Variants in PCDHGB6 observed in about 807,000 individuals in gnomAD.
PCDHGB6 encodes the protein protocadherin gamma-B6.
Under a neutral mutation model 59.1 loss-of-function variants are expected in PCDHGB6, and 51 were observed. The ratio of observed to expected loss-of-function variants is 0.86; its 90% CI spans 0.69 to 1.09. The LOEUF is 1.09. Among genes scored for constraint, PCDHGB6 ranks in the 50% least tolerant of loss-of-function variants. The pLI is 0.00. For missense variants in PCDHGB6, 1,148 were observed against 1,205.1 expected (o/e 0.95, Z 0.70); for synonymous variants, 466 against 495.1 (o/e 0.94, Z 0.78).
intron 1 of PCDHGB6, chr5:141,421,126 T>G: frequency 1.2e-6 from 1 of 805,588 alleles, no homozygotes; most frequent in Non-Finnish European, 1.9e-6. Context: ...CTTCGCTTTC[T>G]GATATATTTT....
intron 1 of PCDHGB6, among the ~76,000 whole-genome samples, chr5:141,435,043 C>T (rs2097739230): frequency 1.3e-5 from 2 of 151,658 alleles, no homozygotes; most frequent in African/African-American, 2.4e-5. Flanking sequence ...ATTTTTTTCC[C>T]ATTGACCATG....
intron 1 of PCDHGB6, among the ~76,000 whole-genome samples, chr5:141,472,242 A>T (rs1342571385): frequency 6.6e-6 from 1 of 152,186 alleles, no homozygotes; most frequent in East Asian, 1.9e-4. Flanking sequence ...TTCACTTTCT[A>T]TTTTAAAGTT....
At chr5:141,421,464 T>C in intron 1 of PCDHGB6, 1 of 1,614,090 alleles carries the variant, frequency 6.2e-7, no homozygotes, top group Non-Finnish European at 8.5e-7. Flanking sequence ...TCGCTGTGAA[T>C]CCGCGAAGCG....
intron 1 of PCDHGB6, among the ~76,000 whole-genome samples, chr5:141,460,344 A>G (rs930557610): frequency 7.2e-5 from 11 of 152,060 alleles, no homozygotes; most frequent in African/African-American, 2.2e-4. Context: ...ATTTTCTCCT[A>G]TATTTTCTTT....
chr5:141,495,870 CCT>C (rs1183994771), intron 2 of PCDHGB6, among the ~76,000 whole-genome samples: 2 of 152,100 alleles, frequency 1.3e-5, no homozygotes. Flanking sequence ...TTTCTGCTTT[CCT>C]CTCTGTTCTT....
At chr5:141,483,955 G>A (rs1244162791) in intron 1 of PCDHGB6, among the ~76,000 whole-genome samples, 1 of 144,218 alleles carries the variant, frequency 6.9e-6, no homozygotes, top group African/African-American at 2.6e-5. Flanking sequence ...ATTGTGTTGT[G>A]TTTCTGTGCT....
intron 1 of PCDHGB6, chr5:141,428,279 C>A: frequency 2.7e-6 from 2 of 753,232 alleles, no homozygotes; most frequent in South Asian, 3.0e-5. Context: ...CCCTCTGATT[C>A]CCAAGCAAAG....
At chr5:141,413,500 A>C (rs1422297029) in intron 1 of PCDHGB6, 2 of 1,614,034 alleles carry the variant, frequency 1.2e-6, no homozygotes, top group South Asian at 1.1e-5. Flanking sequence ...GTGCGTGGTG[A>C]GTTTTAATAT....
At chr5:141,422,984 G>T in intron 1 of PCDHGB6, 2 of 1,614,230 alleles carry the variant, frequency 1.2e-6, no homozygotes, top group Non-Finnish European at 1.7e-6. Flanking sequence ...GCGGAACCTG[G>T]CTACCTGGTG....
intron 1 of PCDHGB6, chr5:141,411,213 CTATT>C (rs1479996814): frequency 1.3e-5 from 2 of 152,186 alleles, no homozygotes; most frequent in African/African-American, 2.4e-5. Context: ...AGTAACCTAT[CTATT>C]CAAATTTGCG....
At chr5:141,415,177 G>A (rs758980730) in intron 1 of PCDHGB6, 26 of 1,613,808 alleles carry the variant, frequency 1.6e-5, no homozygotes, top group East Asian at 4.5e-5. Flanking sequence ...CACCGTGGCC[G>A]TGGCCGACAG....
chr5:141,432,093 C>A lies in PCDHGB6; in HGVS notation c.2418+21473C>A. The A allele has an allele frequency of 1.2e-6, 2 of 1,614,170 alleles. No homozygotes were observed. Among genetic ancestry groups the A allele is most frequent in the Non-Finnish European group, 1.7e-6 (2 of 1,180,046 alleles). On this transcript the variant is annotated intron_variant, in intron 1 of 3. Coordinates refer to ENST00000520790, the MANE Select transcript of PCDHGB6 (RefSeq NM_018926.3). The surrounding 1 kb of genome is among the most constrained non-coding windows in gnomAD (Gnocchi z 6.0). ...CATATCTCGCTGAACGTGGCAGACA[C>A]CAACGACAACCCGCCGGTCTTCCCT...
chr5:141,417,830 G>C (rs2096166388), intron 1 of PCDHGB6: 1 of 1,527,028 alleles, frequency 6.5e-7, no homozygotes, highest in African/African-American at 1.4e-5. Flanking sequence ...AACTGGAAAA[G>C]CGGGGACCCA....
intron 1 of PCDHGB6, chr5:141,427,308 G>A (rs2097014480): frequency 2.2e-6 from 1 of 456,846 alleles, no homozygotes; most frequent in Non-Finnish European, 4.4e-6. Flanking sequence ...GAATGACAAT[G>A]CCCCAGACGT....
rs144490159 is a variant in PCDHGB6, at chr5:141,418,260, G to A, written c.2418+7640G>A. The A allele has an allele frequency of 5.0e-3, 7,995 of 1,614,000 alleles. 44 individuals carry two copies. Among genetic ancestry groups the A allele is most frequent in the Admixed American group, 9.4e-3 (566 of 60,026 alleles). ...GTTAATGACCACGCCCCTCAATTCCGGAAAGATGAAATAAACTTAGAAATC... is the reference window on the plus strand; with the variant it reads ...GTTAATGACCACGCCCCTCAATTCCAGAAAGATGAAATAAACTTAGAAATC... On this transcript the variant is annotated intron_variant, in intron 1 of 3. Coordinates refer to ENST00000520790, the MANE Select transcript of PCDHGB6 (RefSeq NM_018926.3).
chr5:141,474,721 A>T (rs942537231), intron 1 of PCDHGB6, among the ~76,000 whole-genome samples: 10 of 152,214 alleles, frequency 6.6e-5, no homozygotes, highest in African/African-American at 1.7e-4. Flanking sequence ...CTTCAAAAGG[A>T]CTCTATGCAA....
Position 141,477,782 on chromosome 5 carries a change from T to G in PCDHGB6, c.2419-17025T>G, listed in dbSNP as rs763675478. 1.2e-5 allele frequency: 20 copies of G among 1,613,902 alleles called. No individual in the cohort carries two copies. Among genetic ancestry groups the G allele is most frequent in the Non-Finnish European group, 1.7e-5 (20 of 1,180,042 alleles). ...AGCCACCAACATCAGCGTGAACATA[T>G]TTGTCACTGATCGCAATGACAATGC... On this transcript the variant is annotated intron_variant, in intron 1 of 3. Coordinates refer to ENST00000520790, the MANE Select transcript of PCDHGB6 (RefSeq NM_018926.3). The surrounding 1 kb of genome is among the most constrained non-coding windows in gnomAD (Gnocchi z 4.9).
In PCDHGB6 at chr5:141,448,129, C is replaced by A. The variant is rs116387986; in HGVS notation, c.2418+37509C>A. On this transcript the variant is annotated intron_variant, in intron 1 of 3. Coordinates refer to ENST00000520790, the MANE Select transcript of PCDHGB6 (RefSeq NM_018926.3). Reference sequence around the variant, plus strand: ...AGAAAAGAAAATTAGCCTCCCCCACCCTCACTATACCTCAGACTCACCCCT... The same window carrying A: ...AGAAAAGAAAATTAGCCTCCCCCACACTCACTATACCTCAGACTCACCCCT... 4.4e-3 allele frequency among the ~76,000 whole-genome samples: 671 copies of A among 152,002 alleles called. 4 individuals carry two copies. Among genetic ancestry groups the A allele is most frequent in the African/African-American group, 0.015 (612 of 41,466 alleles).
intron 3 of PCDHGB6, 79 bp downstream of exon 3, chr5:141,505,560 G>A: frequency 6.2e-7 from 1 of 1,604,768 alleles, no homozygotes; most frequent in South Asian, 1.1e-5. Context: ...CATGCCCACG[G>A]ACTGGATGTC....
Sources: allele counts gnomAD v4.1 joint callset (sites outside exome capture counted in the v4.1 genomes callset), GRCh38; gene constraint gnomAD v4.1.1; non-coding constraint Gnocchi (gnomAD v3.1); transcripts MANE v1.5; gene names NCBI Gene and HGNC (gene_info 2026-07-23, HGNC 2026-07-21).